Variants in SYTL1 observed in about 807,000 individuals in gnomAD.
SYTL1 encodes synaptotagmin-like protein 1.
In SYTL1, 53 loss-of-function variants were observed where a neutral mutation model predicts 74.6. The observed-to-expected ratio is 0.71, with a 90% CI of 0.57 to 0.89. SYTL1 has a LOEUF of 0.89. SYTL1 is among the 40% of genes least tolerant of loss of function. The probability of loss-of-function intolerance (pLI) is 0.00; values close to 1 mark genes in which losing one functional copy is unlikely to be tolerated. For missense variants in SYTL1, 728 were observed against 768.7 expected (o/e 0.95, Z 0.63); for synonymous variants, 329 against 324.9 (o/e 1.01, Z -0.14).
At chr1:27,352,027 G>GGGTTCCCA (rs973597918) in intron 13 of SYTL1, 4 of 153,180 alleles carry the variant, frequency 2.6e-5, no homozygotes, top group African/African-American at 9.6e-5. Flanking sequence ...TTTGCAGAGG[G>GGGTTCCCA]GGTTCCCAGG....
Position 27,351,466 on chromosome 1 carries a change from GC to G in SYTL1, c.1259del (p.Pro420ArgfsTer9), listed in dbSNP as rs1557546428. 2 of 1,541,178 alleles carry G rather than the reference GC, an allele frequency of 1.3e-6. No individual in the cohort carries two copies. The highest frequency in any genetic ancestry group is 1.8e-6 in the Non-Finnish European group (2 of 1,142,332). ...CGAGCCTCTCCGCAGGCGCAGGACT[GC>G]CCCCGAGCGGGGAGCTGCACTTCTG... ...VPAGSEGAGL[P>X]PSGELHFWVK... On this transcript the variant is annotated frameshift_variant, in exon 13 of 15. Coordinates refer to ENST00000616558, the MANE Select transcript of SYTL1 (RefSeq NM_001193308.2). LOFTEE classifies it high-confidence loss of function. The surrounding 1 kb of genome is among the most constrained non-coding windows in gnomAD (Gnocchi z 5.0).
chr1:27,351,818 C>A lies in SYTL1; in HGVS notation c.1343+263C>A. On this transcript the variant is annotated intron_variant, in intron 13 of 14. Transcript: ENST00000616558. This position sits in a 1 kb window ranked among gnomAD's most constrained non-coding sequence, Gnocchi z 5.0. ...GCTGCAAGGGTCCTTCCATAGAGAACCTGGGAGGCCAGGCTGTGGGGCTTG... is the reference window on the plus strand; with the variant it reads ...GCTGCAAGGGTCCTTCCATAGAGAAACTGGGAGGCCAGGCTGTGGGGCTTG... 2 of 390,834 alleles carry A rather than the reference C, an allele frequency of 5.1e-6. No homozygotes were observed. Among genetic ancestry groups the A allele is most frequent in the Non-Finnish European group, 9.1e-6 (2 of 220,470 alleles). 24.2% of individuals were successfully genotyped at this position (390,834 alleles called of 1,614,324 possible).
chr1:27,351,138 G>A lies in SYTL1; in HGVS notation c.1165-120G>A, dbSNP rs2015252923. On this transcript the variant is annotated intron_variant, in intron 11 of 14. Coordinates refer to ENST00000616558, the MANE Select transcript of SYTL1 (RefSeq NM_001193308.2). The surrounding 1 kb of genome is among the most constrained non-coding windows in gnomAD (Gnocchi z 5.0). ...TCCCCGAGGGCGCTAGGACCCCTAGGTTCTGCCCCTGCAGGCCCCGCCGTC... is the reference window on the plus strand; with the variant it reads ...TCCCCGAGGGCGCTAGGACCCCTAGATTCTGCCCCTGCAGGCCCCGCCGTC... 3 of 1,361,026 alleles carry A rather than the reference G, an allele frequency of 2.2e-6. No homozygotes were observed. The highest frequency in any genetic ancestry group is 3.0e-6 in the Non-Finnish European group (3 of 1,000,800). 84.3% of individuals were successfully genotyped at this position (1,361,026 alleles called of 1,614,324 possible).
In SYTL1 at chr1:27,345,199, C is replaced by A. The variant is rs969857809; in HGVS notation, c.-38-98C>A. On this transcript the variant is annotated intron_variant, in intron 1 of 14. Coordinates refer to ENST00000616558, the MANE Select transcript of SYTL1 (RefSeq NM_001193308.2). This position sits in a 1 kb window ranked among gnomAD's most constrained non-coding sequence, Gnocchi z 6.0. ...CAGCCATCCTGGGGTGGCACCCTACCCATACCCGGCCAAGTGTTTGGGGAG... is the reference window on the plus strand; with the variant it reads ...CAGCCATCCTGGGGTGGCACCCTACACATACCCGGCCAAGTGTTTGGGGAG... 1.1e-5 allele frequency: 7 copies of A among 649,110 alleles called. No homozygotes were observed. In the African/African-American group the frequency reaches 1.3e-4, roughly 12 times the overall value. The allele number at this position is 649,110 out of a possible 1,614,324, so 40.2% of individuals were successfully genotyped here.
intron 5 of SYTL1, 70 bp from the exon 6 acceptor site, chr1:27,349,009 AC>A (rs1170684637): frequency 3.2e-6 from 4 of 1,246,668 alleles, no homozygotes. Flanking sequence ...ATGACCTCTG[AC>A]CCCAATATGA....
At position 27,347,582 on chromosome 1, in the gene SYTL1, C is replaced by T; in HGVS notation, c.340+13C>T. On this transcript the variant is annotated intron_variant, in intron 3 of 14. Coordinates refer to ENST00000616558, the MANE Select transcript of SYTL1 (RefSeq NM_001193308.2). This position sits in a 1 kb window ranked among gnomAD's most constrained non-coding sequence, Gnocchi z 4.9. The stretch of plus-strand genomic sequence containing the variant: ...AAGAGCACCAGGGGTGAGAGGAGAT[C>T]CTCGGGGCAGGGCAAGCCATGTGCC... The T allele has an allele frequency of 6.2e-7, 1 of 1,613,048 alleles. No homozygotes were observed.
rs779186971 is a variant in SYTL1, at chr1:27,348,783, TAAAA to T, written c.460-293_460-290del. Among the ~76,000 whole-genome samples the T allele has an allele frequency of 8.5e-4, 129 of 151,348 alleles. 1 individual carries two copies. Among genetic ancestry groups the T allele is most frequent in the Non-Finnish European group, 1.7e-3 (115 of 67,694 alleles). The stretch of plus-strand genomic sequence containing the variant: ...AATGGGTCAATATAAAAAATAAAAA[TAAAA>T]AAAGGAGTGAGAAAGGAATGGGACT... On this transcript the variant is annotated intron_variant, in intron 5 of 14. Transcript: ENST00000616558. The surrounding 1 kb of genome is among the most constrained non-coding windows in gnomAD (Gnocchi z 4.1).
rs2014808117 is a variant in SYTL1, at chr1:27,342,354, C to T, written c.-39+204C>T. 3.0e-6 allele frequency: 3 copies of T among 985,054 alleles called. No individual in the cohort carries two copies. The highest frequency in any genetic ancestry group is 4.7e-5 in the South Asian group (1 of 21,282). 61.0% of individuals were successfully genotyped at this position (985,054 alleles called of 1,614,324 possible). ...TCAAAACAGCAGAGAAGACCAAACT[C>T]CTACCTAACTCTGGTAGGAGATTCT... On this transcript the variant is annotated intron_variant, in intron 1 of 14. Transcript: ENST00000616558. This position sits in a 1 kb window ranked among gnomAD's most constrained non-coding sequence, Gnocchi z 4.7.
rs575562565 is a variant in SYTL1, at chr1:27,348,987, G to A, written c.460-93G>A. ...CCCTAAACCTGAAACTGGGGTAGCT[G>A]GCTGGAGCCCTATGACCTCTGACCC... On this transcript the variant is annotated intron_variant, in intron 5 of 14. Transcript: ENST00000616558. The surrounding 1 kb of genome is among the most constrained non-coding windows in gnomAD (Gnocchi z 4.1). 2.0e-6 allele frequency: 2 copies of A among 997,856 alleles called. No homozygotes were observed. The highest frequency in any genetic ancestry group is 2.5e-5 in the East Asian group (1 of 39,714). 61.8% of individuals were successfully genotyped at this position (997,856 alleles called of 1,614,324 possible).
Position 27,350,973 on chromosome 1 carries a change from G to C in SYTL1, c.1164+21G>C. The C allele has an allele frequency of 6.2e-7, 1 of 1,611,648 alleles. No homozygotes were observed. The highest frequency in any genetic ancestry group is 1.1e-5 in the South Asian group (1 of 91,004). On this transcript the variant is annotated intron_variant, in intron 11 of 14. Transcript: ENST00000616558. This position sits in a 1 kb window ranked among gnomAD's most constrained non-coding sequence, Gnocchi z 6.3. ...CCCGGGTGAGGCAGCCAGGCCGCGT[G>C]GGGAGACCTGCGGCCCGGGTCTCCT... is the stretch of plus-strand genomic sequence containing the variant.
rs2015083738 is a variant in SYTL1 at position 27,348,148 on chromosome 1, A to C, written c.459+136A>C. ...TTCCTTCCTGTGTCTGCACCTCATCACCTCCTGGGTGGAACAGTGGTGAAC... is the reference window on the plus strand; with the variant it reads ...TTCCTTCCTGTGTCTGCACCTCATCCCCTCCTGGGTGGAACAGTGGTGAAC... On this transcript the variant is annotated intron_variant, in intron 5 of 14. Transcript: ENST00000616558. This position sits in a 1 kb window ranked among gnomAD's most constrained non-coding sequence, Gnocchi z 4.1. 2.4e-6 allele frequency: 2 copies of C among 822,936 alleles called. No homozygotes were observed. Among genetic ancestry groups the C allele is most frequent in the Non-Finnish European group, 4.1e-6 (2 of 493,088 alleles). 51.0% of individuals were successfully genotyped at this position (822,936 alleles called of 1,614,324 possible).
chr1:27,346,905 T>G (rs2015024640), intron 2 of SYTL1, among the ~76,000 whole-genome samples: 1 of 151,678 alleles, frequency 6.6e-6, no homozygotes, highest in East Asian at 1.9e-4. Flanking sequence ...ATTGCTTGAG[T>G]CCAGGAGTTA....
At chr1:27,353,202 G>C (rs1161048283) in intron 13 of SYTL1, 81 bp from the exon 14 acceptor site, 4 of 1,402,056 alleles carry the variant, frequency 2.9e-6, no homozygotes, top group Admixed American at 2.0e-5. Flanking sequence ...ATATGTGAGA[G>C]AGAATGAGTG....
intron 1 of SYTL1, among the ~76,000 whole-genome samples, chr1:27,344,143 GC>G (rs1157751311): frequency 1.3e-5 from 2 of 151,882 alleles, no homozygotes; most frequent in Non-Finnish European, 2.9e-5. Flanking sequence ...CACTCTTTTT[GC>G]CCAGGCTGGA....
At position 27,351,374 on chromosome 1, in the gene SYTL1, T is replaced by C; in HGVS notation, c.1243+38T>C. Reference sequence around the variant, plus strand: ...CGGAGAGGCCAAGCTGGACACGCCCTGAAAAGCGGGAGACTCCAGTCCCCG... The same window carrying C: ...CGGAGAGGCCAAGCTGGACACGCCCCGAAAAGCGGGAGACTCCAGTCCCCG... On this transcript the variant is annotated intron_variant, in intron 12 of 14. Transcript: ENST00000616558. This position sits in a 1 kb window ranked among gnomAD's most constrained non-coding sequence, Gnocchi z 5.0. The C allele has an allele frequency of 1.3e-6, 2 of 1,517,306 alleles. No homozygotes were observed. Among genetic ancestry groups the C allele is most frequent in the African/African-American group, 1.4e-5 (1 of 72,398 alleles). 94.0% of individuals were successfully genotyped at this position (1,517,306 alleles called of 1,614,324 possible).
rs1429669655 is a variant in SYTL1 at position 27,350,168 on chromosome 1, C to G, written c.908+36C>G. The stretch of plus-strand genomic sequence containing the variant: ...CGCCGGCCAAGCGGGGCGCGGCTGT[C>G]ACAGCCCAGCCCACCATTCACAGGG... On this transcript the variant is annotated intron_variant, in intron 9 of 14. Coordinates refer to ENST00000616558, the MANE Select transcript of SYTL1 (RefSeq NM_001193308.2). This position sits in a 1 kb window ranked among gnomAD's most constrained non-coding sequence, Gnocchi z 6.3. The G allele has an allele frequency of 7.0e-7, 1 of 1,428,956 alleles. No homozygotes were observed. Among genetic ancestry groups the G allele is most frequent in the East Asian group, 2.7e-5 (1 of 36,514 alleles). 88.5% of individuals were successfully genotyped at this position (1,428,956 alleles called of 1,614,324 possible).
Position 27,347,272 on chromosome 1 carries a change from T to G in SYTL1, c.192-149T>G. Reference sequence around the variant, plus strand: ...GTACTTGTCTCTTCTGGACTTGGTCTCCCCAGCAGCCCGAGCTCCTCCACA... The same window carrying G: ...GTACTTGTCTCTTCTGGACTTGGTCGCCCCAGCAGCCCGAGCTCCTCCACA... On this transcript the variant is annotated intron_variant, in intron 2 of 14. Coordinates refer to ENST00000616558, the MANE Select transcript of SYTL1 (RefSeq NM_001193308.2). The surrounding 1 kb of genome is among the most constrained non-coding windows in gnomAD (Gnocchi z 4.9). The G allele has an allele frequency of 1.1e-6, 1 of 937,530 alleles. No homozygotes were observed. Among genetic ancestry groups the G allele is most frequent in the Non-Finnish European group, 1.6e-6 (1 of 622,220 alleles). 58.1% of individuals were successfully genotyped at this position (937,530 alleles called of 1,614,324 possible). A position where few individuals can be genotyped will look rare whatever the true frequency, so the allele number is the denominator to read the frequency against.
intron 2 of SYTL1, among the ~76,000 whole-genome samples, chr1:27,346,079 C>T (rs2014990619): frequency 6.6e-6 from 1 of 152,156 alleles, no homozygotes; most frequent in African/African-American, 2.4e-5. Flanking sequence ...CCGTGCCTGG[C>T]CAGATCCGTC....
rs1400107109 is a variant in SYTL1, at chr1:27,343,209, GC to G, written c.-39+1063del. On this transcript the variant is annotated intron_variant, in intron 1 of 14. Coordinates refer to ENST00000616558, the MANE Select transcript of SYTL1 (RefSeq NM_001193308.2). The surrounding 1 kb of genome is among the most constrained non-coding windows in gnomAD (Gnocchi z 5.2). ...GGACACAGCCCTGACCAAGTCATGG[GC>G]CCCTTGCCACGTCTACATGCCCCTC... 6.6e-6 allele frequency: 1 copy of G among 152,424 alleles called. No individual in the cohort carries two copies. Among genetic ancestry groups the G allele is most frequent in the African/African-American group, 2.4e-5 (1 of 41,462 alleles). The allele number at this position is 152,424 out of a possible 1,614,324, so 9.4% of individuals were successfully genotyped here. A position where few individuals can be genotyped will look rare whatever the true frequency, so the allele number is the denominator to read the frequency against.
Sources: gnomAD v4.1 joint callset for allele counts (sites outside exome capture counted in the v4.1 genomes callset) on GRCh38, gnomAD v4.1.1 for gene constraint, Gnocchi (gnomAD v3.1) non-coding constraint, MANE v1.5 for transcripts, NCBI Gene and HGNC (gene_info 2026-07-23, HGNC 2026-07-21) for gene names.